Variants in ZNF880 observed in about 807,000 individuals in gnomAD.
ZNF880 encodes zinc finger protein LOC400713.
Under a neutral mutation model 11.8 loss-of-function variants are expected in ZNF880, and 12 were observed. The observed-to-expected ratio is 1.02, with a 90% CI of 0.65 to 1.65. The LOEUF (loss-of-function observed/expected upper bound fraction) is 1.65. Ranked by LOEUF, ZNF880 falls within the 40% of genes most tolerant of loss-of-function variation. ZNF880 has a pLI of 0.00. For missense variants in ZNF880, 601 were observed against 673.9 expected (o/e 0.89, Z 1.20); for synonymous variants, 210 against 232.4 (o/e 0.90, Z 0.88).
chr19:52,384,795 G>A lies in ZNF880; in HGVS notation c.1215G>A (p.Glu405=), dbSNP rs324124. 0.13 allele frequency: 214,289 copies of A among 1,603,996 alleles called. 17,674 individuals are homozygous for A. The highest frequency in any genetic ancestry group is 0.24 in the African/African-American group (17,947 of 73,514). The change falls in exon 4 of 4, where the codon GAG becomes GAA. Residue 405 remains glutamate (E), a synonymous_variant. Coordinates refer to ENST00000422689, the MANE Select transcript of ZNF880 (RefSeq NM_001145434.2). ...ATCATCATAGAATGCACACGGGAGA[G>A]CAACCTTACAAATGTAATGAATGTG... The part of the protein sequence containing the change: ...LTNHHRMHTG[E]QPYKCNECGK...
chr19:52,377,373 C>T (rs1421233323), intron 3 of ZNF880, among the ~76,000 whole-genome samples: 2 of 152,100 alleles, frequency 1.3e-5, no homozygotes, highest in Non-Finnish European at 2.9e-5. Context: ...CAGCAGAGAG[C>T]GCTTCACTTC....
In ZNF880 at chr19:52,384,179, C is replaced by T. The variant is rs777891763; in HGVS notation, c.599C>T (p.Ala200Val). 4.3e-6 allele frequency: 7 copies of T among 1,610,268 alleles called. No individual in the cohort carries two copies. Among genetic ancestry groups the T allele is most frequent in the Non-Finnish European group, 5.9e-6 (7 of 1,177,942 alleles). Residue 200 changes from alanine (A) to valine (V), a missense_variant, in exon 4 of 4, where the codon GCT (alanine) becomes GTT (valine). Transcript: ENST00000422689. ...GCCTTTAGAGTGTCTTCAAGACTTG[C>T]TAACAATCAAGTAATCCACACTGCA... Reference protein sequence around the residue: ...GKAFRVSSRLANNQVIHTADN... With the variant: ...GKAFRVSSRLVNNQVIHTADN...
At chr19:52,383,754 G>A in intron 3 of ZNF880, 95 bp from the exon 4 acceptor site, 1 of 1,285,752 alleles carries the variant, frequency 7.8e-7, no homozygotes, top group Non-Finnish European at 1.1e-6. Context: ...TCCTTCCCAT[G>A]TCTGAGTCAG....
In ZNF880 at chr19:52,369,988, CTT is replaced by C; in HGVS notation, c.12+13_12+14del. 2 of 1,551,596 alleles carry C rather than the reference CTT, an allele frequency of 1.3e-6. No individual in the cohort carries two copies. The highest frequency in any genetic ancestry group is 1.7e-6 in the Non-Finnish European group (2 of 1,146,980). On this transcript the variant is annotated intron_variant, in intron 1 of 3. Coordinates refer to ENST00000422689, the MANE Select transcript of ZNF880 (RefSeq NM_001145434.2). ...GTCATGCTGCGGCGTGTGAGTTTCC[CTT>C]TGTTTAGATTAAATCTGGGATGCTG...
At chr19:52,369,426 A>G (rs1405893295), upstream of ZNF880, among the ~76,000 whole-genome samples, 1 of 150,696 alleles carries the variant, frequency 6.6e-6, no homozygotes, top group Admixed American at 6.6e-5. Flanking sequence ...TGCATTTCAT[A>G]TTTTAATTTG....
chr19:52,370,534 A>G lies in ZNF880; in HGVS notation c.12+557A>G, dbSNP rs568442454. On this transcript the variant is annotated intron_variant, in intron 1 of 3. Coordinates refer to ENST00000422689, the MANE Select transcript of ZNF880 (RefSeq NM_001145434.2). The stretch of plus-strand genomic sequence containing the variant: ...ATTTATGGGCCGGGGCTGGAATTCC[A>G]TCTTCTCCGGAGGCCCAGGCTGGAG... 124 of 153,766 alleles carry G rather than the reference A, an allele frequency of 8.1e-4. 1 individual carries two copies. Among genetic ancestry groups the G allele is most frequent in the Non-Finnish European group, 4.4e-4 (30 of 68,888 alleles). The allele number at this position is 153,766 out of a possible 1,614,324, so 9.5% of individuals were successfully genotyped here. A position where few individuals can be genotyped will look rare whatever the true frequency, so the allele number is the denominator to read the frequency against.
Position 52,384,963 on chromosome 19 carries a change from G to GA in ZNF880, c.1386dup (p.Pro463ThrfsTer5). ...ATCATCAGAGATTTCATACTGGAGA[G>GA]AAACCTTACAGATGTGATGAATGTG... On this transcript the variant is annotated frameshift_variant, in exon 4 of 4. Transcript: ENST00000422689. LOFTEE classifies it low-confidence loss of function (END_TRUNC). 1.3e-6 allele frequency: 2 copies of GA among 1,570,894 alleles called. No homozygotes were observed. The highest frequency in any genetic ancestry group is 1.7e-6 in the Non-Finnish European group (2 of 1,157,102).
Position 52,384,159 on chromosome 19 carries a change from T to C in ZNF880, c.579T>C (p.Phe193=), listed in dbSNP as rs1443309302. The change falls in exon 4 of 4, where the codon TTT becomes TTC. Residue 193 remains phenylalanine, a synonymous_variant. Coordinates refer to ENST00000422689, the MANE Select transcript of ZNF880 (RefSeq NM_001145434.2). ...AATGTAATGAGCATGGCAAAGCCTT[T>C]AGAGTGTCTTCAAGACTTGCTAACA... ...PCECNEHGKA[F]RVSSRLANNQ... 7 of 1,607,956 alleles carry C rather than the reference T, an allele frequency of 4.4e-6. No individual in the cohort carries two copies. Among genetic ancestry groups the C allele is most frequent in the African/African-American group, 1.3e-5 (1 of 74,826 alleles).
At chr19:52,369,836 A>T (rs1391280578), upstream of ZNF880, 9 of 1,216,736 alleles carry the variant, frequency 7.4e-6, no homozygotes, top group Non-Finnish European at 1.1e-5. Context: ...CCAAAACGAG[A>T]CGAGCTGGGA....
In ZNF880 at chr19:52,384,865, AT is replaced by A; in HGVS notation, c.1287del (p.His430ThrfsTer22). 1.3e-6 allele frequency: 2 copies of A among 1,530,790 alleles called. No individual in the cohort carries two copies. Among genetic ancestry groups the A allele is most frequent in the East Asian group, 4.7e-5 (2 of 42,204 alleles). 94.8% of individuals were successfully genotyped at this position (1,530,790 alleles called of 1,614,324 possible). ...TTCAGGCCTTACTGCCCATCTACTA[AT>A]TCACACTGGAGAGAAACCTTACAAA... Reference protein sequence around the residue: ...DCSGLTAHLLIHTGEKPYKCK... With the variant: ...DCSGLTAHLLXHTGEKPYKCK... On this transcript the variant is annotated frameshift_variant, in exon 4 of 4. Transcript: ENST00000422689. LOFTEE classifies it low-confidence loss of function (END_TRUNC).
At chr19:52,385,812 A>T (rs1986869048), downstream of ZNF880, 1 of 148,560 alleles carries the variant, frequency 6.7e-6, no homozygotes, top group Non-Finnish European at 1.5e-5. Context: ...TTTACATTTT[A>T]TGACTTTCAT....
At position 52,383,935 on chromosome 19, in the gene ZNF880, C is replaced by G; in HGVS notation, c.355C>G (p.Leu119Val). Reference protein sequence around the residue: ...GLTFQLHLSELQLFQAERNIS... With the variant: ...GLTFQLHLSEVQLFQAERNIS... ...AACCTTTCAGTTACATCTGAGTGAA[C>G]TGCAGCTATTTCAAGCTGAAAGGAA... Residue 119 changes from leucine to valine, a missense_variant, in exon 4 of 4, where the codon CTG becomes GTG. Leu to Val is a conservative substitution (Grantham distance 32). Coordinates refer to ENST00000422689, the MANE Select transcript of ZNF880 (RefSeq NM_001145434.2). 1 of 1,559,260 alleles carries G rather than the reference C, an allele frequency of 6.4e-7. No homozygotes were observed. Among genetic ancestry groups the G allele is most frequent in the Non-Finnish European group, 8.7e-7 (1 of 1,150,866 alleles).
intron 3 of ZNF880, among the ~76,000 whole-genome samples, chr19:52,375,938 GAGTT>G (rs1191455677): frequency 3.9e-5 from 6 of 152,172 alleles, no homozygotes; most frequent in Non-Finnish European, 5.9e-5. Flanking sequence ...CTGCCTAAGT[GAGTT>G]AGTTCATTTA....
chr19:52,394,767 C>T, the ZNF880 span: 11 of 152,178 alleles, frequency 7.2e-5, no homozygotes, highest in African/African-American at 1.2e-4. Flanking sequence ...TCATTAATCT[C>T]CAGGGGAGAA....
intron 3 of ZNF880, among the ~76,000 whole-genome samples, chr19:52,381,282 G>A (rs762373169): frequency 5.3e-5 from 8 of 152,090 alleles, no homozygotes; most frequent in Admixed American, 1.3e-4. Flanking sequence ...GACACTTGGT[G>A]TTTATATATT....
downstream of ZNF880, among the ~76,000 whole-genome samples, chr19:52,385,964 A>T (rs1023361836): frequency 3.5e-5 from 5 of 142,616 alleles, 1 homozygote; most frequent in Non-Finnish European, 6.1e-5. Flanking sequence ...TCACGAGGTT[A>T]GGAGATCAAG....
At chr19:52,386,416 A>G (rs368158377), downstream of ZNF880, among the ~76,000 whole-genome samples, 344 of 143,428 alleles carry the variant, frequency 2.4e-3, 64 homozygotes, top group African/African-American at 9.1e-3. Flanking sequence ...CCAACTAGCC[A>G]TGAAATAGAG....
chr19:52,387,199 C>T (rs1986907904), downstream of ZNF880, among the ~76,000 whole-genome samples: 1 of 143,958 alleles, frequency 6.9e-6, no homozygotes. Flanking sequence ...TTGACGCATC[C>T]AGAACAATTT....
At chr19:52,392,580 C>T in the ZNF880 span, 1 of 164,742 alleles carries the variant, frequency 6.1e-6, no homozygotes, top group Non-Finnish European at 1.4e-5. Context: ...GGATTACAGG[C>T]CTGGGCCACT....
Sources: gnomAD v4.1 joint callset for allele counts (sites outside exome capture counted in the v4.1 genomes callset) on GRCh38, gnomAD v4.1.1 for gene constraint, MANE v1.5 for transcripts, NCBI Gene and HGNC (gene_info 2026-07-23, HGNC 2026-07-21) for gene names.